OR5A2: variants seen among roughly 807,000 people sequenced by gnomAD.
OR5A2 encodes olfactory receptor 5A2.
For synonymous variants in OR5A2, 155 were observed against 151.1 expected (o/e 1.03, Z -0.19); for missense variants, 406 against 398.9 (o/e 1.02, Z -0.15).
chr11:59,420,599 C>T lies in OR5A2; in HGVS notation c.*1380G>A, dbSNP rs181491366. 4.2e-4 allele frequency: 64 copies of T among 152,208 alleles called. No homozygotes were observed. The highest frequency in any genetic ancestry group is 1.5e-3 in the African/African-American group (64 of 41,542). 9.4% of individuals were successfully genotyped at this position (152,208 alleles called of 1,614,324 possible). ...GGATCTGAGGCACCTAGAGTCCAAG[C>T]AACTTGCCTAAAGACACACAGGCAG... On this transcript the variant is annotated 3_prime_UTR_variant, in exon 2 of 2. Coordinates refer to ENST00000302040, the MANE Select transcript of OR5A2 (RefSeq NM_001001954.2).
rs949049999 is a variant in OR5A2, at chr11:59,417,685, T to A, written c.*4294A>T. On this transcript the variant is annotated 3_prime_UTR_variant, in exon 2 of 2. Transcript: ENST00000302040. ...GATTCATTATCTAGACACAAGCAAG[T>A]GAAATACAAATGATTCCTCATTTCT... is the stretch of plus-strand genomic sequence containing the variant. 8.6e-5 allele frequency: 13 copies of A among 152,038 alleles called. No individual in the cohort carries two copies. The highest frequency in any genetic ancestry group is 1.2e-4 in the Non-Finnish European group (8 of 67,974). 9.4% of individuals were successfully genotyped at this position (152,038 alleles called of 1,614,324 possible). A position where few individuals can be genotyped will look rare whatever the true frequency, so the allele number is the denominator to read the frequency against.
Position 59,422,274 on chromosome 11 carries a change from A to G in OR5A2, c.680T>C (p.Val227Ala). 1.2e-6 allele frequency: 2 copies of G among 1,614,140 alleles called. No individual in the cohort carries two copies. The highest frequency in any genetic ancestry group is 1.7e-6 in the Non-Finnish European group (2 of 1,180,014). ...ISYGYIVAAV[V>A]KISSATGRTK... Reference sequence around the variant, plus strand: ...CCTACCTGTAGCTGAGCTGATCTTCACAACAGCAGCAACAATGTAACCATA... The same window carrying G: ...CCTACCTGTAGCTGAGCTGATCTTCGCAACAGCAGCAACAATGTAACCATA... Residue 227 changes from valine to alanine, a missense_variant, in exon 2 of 2, where the codon GTG (valine) becomes GCG (alanine). Transcript: ENST00000302040.
chr11:59,421,921 G>C lies in OR5A2; in HGVS notation c.*58C>G. The C allele has an allele frequency of 6.7e-7, 1 of 1,492,530 alleles. No individual in the cohort carries two copies. The highest frequency in any genetic ancestry group is 9.0e-7 in the Non-Finnish European group (1 of 1,113,656). 92.5% of individuals were successfully genotyped at this position (1,492,530 alleles called of 1,614,324 possible). A position where few individuals can be genotyped will look rare whatever the true frequency, so the allele number is the denominator to read the frequency against. ...CACAATTCATTCTATAGATCAACTA[G>C]TTTAAAATTATGTAAATGTCTGCAC... On this transcript the variant is annotated 3_prime_UTR_variant, in exon 2 of 2. Transcript: ENST00000302040.
At chr11:59,425,709 C>T (rs957798769) in intron 1 of OR5A2, 1 of 152,174 alleles carries the variant, frequency 6.6e-6, no homozygotes, top group African/African-American at 2.4e-5. Context: ...ATTTCTTTGA[C>T]TGTCATAATT....
At chr11:59,425,342 G>T in intron 1 of OR5A2, 1 of 152,482 alleles carries the variant, frequency 6.6e-6, no homozygotes, top group South Asian at 2.0e-4. Flanking sequence ...TAACGGGTCT[G>T]GGTGGTGTCA....
At chr11:59,425,768 C>A (rs1393309689) in intron 1 of OR5A2, 1 of 152,194 alleles carries the variant, frequency 6.6e-6, no homozygotes, top group Non-Finnish European at 1.5e-5. Flanking sequence ...GTACAAAGAA[C>A]AGGGCCTGGG....
Position 59,417,944 on chromosome 11 carries a change from T to C in OR5A2, c.*4035A>G, listed in dbSNP as rs1314996950. On this transcript the variant is annotated 3_prime_UTR_variant, in exon 2 of 2. Transcript: ENST00000302040. ...CTACAAAACTCTAACACTTAAACCA[T>C]AAAATCAGCCCGTGGTTTCACTACG... The C allele has an allele frequency of 6.6e-6, 1 of 152,080 alleles. No homozygotes were observed. Among genetic ancestry groups the C allele is most frequent in the Non-Finnish European group, 1.5e-5 (1 of 67,988 alleles). The allele number at this position is 152,080 out of a possible 1,614,324, so 9.4% of individuals were successfully genotyped here.
At chr11:59,423,071 A>G (rs924445004) in intron 1 of OR5A2, 27 bp from the exon 2 acceptor site, 43 of 1,038,752 alleles carry the variant, frequency 4.1e-5, no homozygotes, top group Non-Finnish European at 6.1e-5. Flanking sequence ...ACAGTCAGCA[A>G]CAAGTTAAAC....
Position 59,417,500 on chromosome 11 carries a change from G to C in OR5A2, c.*4479C>G, listed in dbSNP as rs1382951710. The C allele has an allele frequency of 6.6e-6, 1 of 152,066 alleles. No homozygotes were observed. Among genetic ancestry groups the C allele is most frequent in the Non-Finnish European group, 1.5e-5 (1 of 68,018 alleles). The allele number at this position is 152,066 out of a possible 1,614,324, so 9.4% of individuals were successfully genotyped here. A position where few individuals can be genotyped will look rare whatever the true frequency, so the allele number is the denominator to read the frequency against. ...TAAACACCTGGCTTATCATCCCCAG[G>C]GGGTTTGAAAATGTTATAGACATGA... On this transcript the variant is annotated 3_prime_UTR_variant, in exon 2 of 2. Coordinates refer to ENST00000302040, the MANE Select transcript of OR5A2 (RefSeq NM_001001954.2).
rs1002254904 is a variant in OR5A2, at chr11:59,417,712, T to C, written c.*4267A>G. The C allele has an allele frequency of 2.0e-5, 3 of 152,096 alleles. No homozygotes were observed. Among genetic ancestry groups the C allele is most frequent in the Non-Finnish European group, 4.4e-5 (3 of 67,990 alleles). The allele number at this position is 152,096 out of a possible 1,614,324, so 9.4% of individuals were successfully genotyped here. On this transcript the variant is annotated 3_prime_UTR_variant, in exon 2 of 2. Transcript: ENST00000302040. ...AAATACAAATGATTCCTCATTTCTG[T>C]GGATGATCACAGAGTAGGCAAGCTC... is the stretch of plus-strand genomic sequence containing the variant.
Position 59,418,812 on chromosome 11 carries a change from G to A in OR5A2, c.*3167C>T, listed in dbSNP as rs566846067. The A allele has an allele frequency of 8.6e-5, 13 of 151,996 alleles. No individual in the cohort carries two copies. The East Asian group carries it at 1.2e-3, about 14-fold the overall frequency. The allele number at this position is 151,996 out of a possible 1,614,324, so 9.4% of individuals were successfully genotyped here. A position where few individuals can be genotyped will look rare whatever the true frequency, so the allele number is the denominator to read the frequency against. Reference sequence around the variant, plus strand: ...TGCAATGAGAAATTTACCATTACTCGTAGATATATATGTGATTGAACAAGA... The same window carrying A: ...TGCAATGAGAAATTTACCATTACTCATAGATATATATGTGATTGAACAAGA... On this transcript the variant is annotated 3_prime_UTR_variant, in exon 2 of 2. Transcript: ENST00000302040.
In OR5A2 at chr11:59,422,461, A is replaced by T. The variant is rs142203683; in HGVS notation, c.493T>A (p.Tyr165Asn). The T allele has an allele frequency of 1.7e-4, 267 of 1,614,226 alleles. 1 individual carries two copies. The African/African-American group carries it at 3.2e-3, about 20-fold the overall frequency. ...TAGGGCCCACAGAAATCATGCTGATAGACAGAGTATGTTTCAATGAAAGAA... is the reference window on the plus strand; with the variant it reads ...TAGGGCCCACAGAAATCATGCTGATTGACAGAGTATGTTTCAATGAAAGAA... ...LSSFIETYSV[Y>N]QHDFCGPYMI... Residue 165 changes from tyrosine (Y) to asparagine (N), a missense_variant, in exon 2 of 2, where the codon TAT (tyrosine) becomes AAT (asparagine). Physicochemically the swap from Tyr to Asn is moderately radical, Grantham distance 143. Coordinates refer to ENST00000302040, the MANE Select transcript of OR5A2 (RefSeq NM_001001954.2).
At position 59,422,585 on chromosome 11, in the gene OR5A2, C is replaced by G; in HGVS notation, c.369G>C (p.Arg123=). 1 of 1,614,162 alleles carries G rather than the reference C, an allele frequency of 6.2e-7. No homozygotes were observed. Among genetic ancestry groups the G allele is most frequent in the Non-Finnish European group, 8.5e-7 (1 of 1,180,030 alleles). Residue 123 remains arginine (R), a synonymous_variant, in exon 2 of 2, where the codon CGG becomes CGC. Transcript: ENST00000302040. ...CFLLAAMAYD[R]YAAICNPLLY... is the part of the protein sequence containing the mutation. ...GCAAGGGGTTGCAGATTGCAGCATA[C>G]CGGTCATAGGCCATAGCTGCCAGGA...
chr11:59,422,935 T>G lies in OR5A2; in HGVS notation c.19A>C (p.Asn7His). 1.2e-6 allele frequency: 2 copies of G among 1,613,456 alleles called. No individual in the cohort carries two copies. The highest frequency in any genetic ancestry group is 1.7e-6 in the Non-Finnish European group (2 of 1,179,584). MAVGRN[N>H]TIVTKFILLG... ...AGAATGAATTTTGTCACAATTGTGT[T>G]GTTCCTTCCTACAGCCATAGGCCTG... The change falls in exon 2 of 2, where the codon AAC becomes CAC. Residue 7 changes from asparagine to histidine, a missense_variant. Asn to His is a moderately conservative substitution (Grantham distance 68, BLOSUM62 1). Transcript: ENST00000302040.
At position 59,422,654 on chromosome 11, in the gene OR5A2, A is replaced by G. The variant is rs770449288; in HGVS notation, c.300T>C (p.Thr100=). 1.2e-6 allele frequency: 2 copies of G among 1,614,176 alleles called. No individual in the cohort carries two copies. Among genetic ancestry groups the G allele is most frequent in the South Asian group, 2.2e-5 (2 of 91,076 alleles). ...CCATCCCACAGAAGACAAAGTACTG[A>G]GTGGCACAGCCAACAAAGGAAATGG... ...QKTISFVGCA[T]QYFVFCGMGL... is the part of the protein sequence containing the mutation. Residue 100 remains threonine (T), a synonymous_variant, in exon 2 of 2, where the codon ACT becomes ACC. Transcript: ENST00000302040.
In OR5A2 at chr11:59,422,601, G is replaced by A; in HGVS notation, c.353C>T (p.Ala118Val). The A allele has an allele frequency of 6.2e-7, 1 of 1,614,200 alleles. No individual in the cohort carries two copies. The highest frequency in any genetic ancestry group is 8.5e-7 in the Non-Finnish European group (1 of 1,180,028). The change falls in exon 2 of 2, where the codon GCT (alanine) becomes GTT (valine). Residue 118 changes from alanine (A) to valine (V), a missense_variant. Coordinates refer to ENST00000302040, the MANE Select transcript of OR5A2 (RefSeq NM_001001954.2). ...MGLTECFLLA[A>V]MAYDRYAAIC... ...TGCAGCATACCGGTCATAGGCCATA[G>A]CTGCCAGGAGAAAGCATTCAGTCAG...
chr11:59,423,059 A>C lies in OR5A2; in HGVS notation c.-91-15T>G. The C allele has an allele frequency of 1.5e-6, 1 of 685,982 alleles. No homozygotes were observed. Among genetic ancestry groups the C allele is most frequent in the Admixed American group, 2.9e-5 (1 of 34,440 alleles). 42.5% of individuals were successfully genotyped at this position (685,982 alleles called of 1,614,324 possible). A position where few individuals can be genotyped will look rare whatever the true frequency, so the allele number is the denominator to read the frequency against. Reference sequence around the variant, plus strand: ...GTGGGTATTTCCTAGAAGATCATACAAACAGTCAGCAACAAGTTAAACTAC... The same window carrying C: ...GTGGGTATTTCCTAGAAGATCATACCAACAGTCAGCAACAAGTTAAACTAC... On this transcript the variant is annotated splice_polypyrimidine_tract_variant and intron_variant, in intron 1 of 1. Coordinates refer to ENST00000302040, the MANE Select transcript of OR5A2 (RefSeq NM_001001954.2).
Position 59,421,832 on chromosome 11 carries a change from T to C in OR5A2, c.*147A>G, listed in dbSNP as rs1858224318. 4 of 863,802 alleles carry C rather than the reference T, an allele frequency of 4.6e-6. No homozygotes were observed. Among genetic ancestry groups the C allele is most frequent in the Non-Finnish European group, 7.1e-6 (4 of 567,172 alleles). 53.5% of individuals were successfully genotyped at this position (863,802 alleles called of 1,614,324 possible). On this transcript the variant is annotated 3_prime_UTR_variant, in exon 2 of 2. Transcript: ENST00000302040. Reference sequence around the variant, plus strand: ...TACAAGCAACAATGGCCAAAATGTTTTCTAATAGCCAACAGGCAAACTATT... The same window carrying C: ...TACAAGCAACAATGGCCAAAATGTTCTCTAATAGCCAACAGGCAAACTATT...
At chr11:59,425,877 T>C (rs1403957067) in intron 1 of OR5A2, 1 of 152,202 alleles carries the variant, frequency 6.6e-6, no homozygotes, top group African/African-American at 2.4e-5. Flanking sequence ...ACTTACTATA[T>C]TTGGTGTGTT....
Sources: allele counts gnomAD v4.1 joint callset, GRCh38; gene constraint gnomAD v4.1.1; transcripts MANE v1.5; gene names NCBI Gene and HGNC (gene_info 2026-07-23, HGNC 2026-07-21).